APBA2: variants seen among roughly 807,000 people sequenced by gnomAD.
APBA2 encodes amyloid beta precursor protein binding family A member 2.
APBA2 carries 30 observed loss-of-function variants against 75.0 expected under a neutral mutation model. That is an observed-to-expected ratio of 0.40 (90% CI 0.30 to 0.54). The LOEUF is 0.54. Ranked by LOEUF, APBA2 falls within the 20% of genes least tolerant of loss-of-function variation. The pLI is 0.49. For synonymous variants in APBA2, 444 were observed against 409.6 expected (o/e 1.08, Z -1.01); for missense variants, 801 against 1,016.1 (o/e 0.79, Z 2.88).
intron 1 of APBA2, among the ~76,000 whole-genome samples, chr15:28,912,822 G>C (rs1271322026): frequency 6.6e-6 from 1 of 152,228 alleles, no homozygotes; most frequent in Non-Finnish European, 1.5e-5. Flanking sequence ...CAGATACCTT[G>C]AGTACCTTGT....
intron 10 of APBA2, 177 bp downstream of exon 10, chr15:29,101,961 G>T: frequency 1.5e-6 from 1 of 685,292 alleles, no homozygotes. Flanking sequence ...AGTGAATACA[G>T]TTTTATTCTA....
intron 3 of APBA2, among the ~76,000 whole-genome samples, chr15:29,006,519 G>T (rs549251386): frequency 4.5e-4 from 68 of 152,272 alleles, no homozygotes; most frequent in African/African-American, 1.6e-3. Flanking sequence ...AGACATACTC[G>T]AGACTGGGTA....
At chr15:29,067,245 C>T (rs2042417358) in intron 4 of APBA2, among the ~76,000 whole-genome samples, 1 of 152,142 alleles carries the variant, frequency 6.6e-6, no homozygotes, top group South Asian at 2.1e-4. Context: ...GAGATTTGGG[C>T]AGGGACAAAT....
chr15:29,071,119 GTGT>G (rs2042602628), intron 4 of APBA2: 1 of 453,736 alleles, frequency 2.2e-6, no homozygotes, highest in African/African-American at 2.0e-5. Context: ...CACTAGTTTG[GTGT>G]TGTTTCATCC....
intron 1 of APBA2, among the ~76,000 whole-genome samples, chr15:28,899,263 T>C (rs146506917): frequency 1.6e-4 from 25 of 152,340 alleles, no homozygotes; most frequent in African/African-American, 6.0e-4. Context: ...CTCCTTTGCC[T>C]ACGTCTCTCC....
intron 1 of APBA2, among the ~76,000 whole-genome samples, chr15:28,890,485 C>A: frequency 6.6e-6 from 1 of 152,164 alleles, no homozygotes; most frequent in Non-Finnish European, 1.5e-5. Context: ...TAATGTCAGA[C>A]TCTGTCCCAG....
At chr15:29,013,015 C>G (rs2152817453) in intron 3 of APBA2, among the ~76,000 whole-genome samples, 1 of 152,168 alleles carries the variant, frequency 6.6e-6, no homozygotes, top group South Asian at 2.1e-4. Context: ...GCCTTGGACT[C>G]TCTGATGCTT....
chr15:29,042,217 A>G (rs1473041685), intron 3 of APBA2, among the ~76,000 whole-genome samples: 1 of 152,158 alleles, frequency 6.6e-6, no homozygotes, highest in Non-Finnish European at 1.5e-5. Flanking sequence ...GTTAGGGCCT[A>G]CGCAAATTAC....
intron 2 of APBA2, among the ~76,000 whole-genome samples, chr15:28,983,213 C>A (rs1302958772): frequency 2.0e-5 from 3 of 152,146 alleles, no homozygotes; most frequent in Non-Finnish European, 4.4e-5. Flanking sequence ...GCCCAGCCGC[C>A]GTCTCCCTGG....
intron 6 of APBA2, among the ~76,000 whole-genome samples, chr15:29,085,866 G>A (rs1413162309): frequency 1.3e-5 from 2 of 152,152 alleles, no homozygotes; most frequent in South Asian, 2.1e-4. Context: ...GTGGTTGCTC[G>A]TTGTTGTAGA....
chr15:28,998,663 G>A (rs1304291411), intron 3 of APBA2, among the ~76,000 whole-genome samples: 3 of 152,162 alleles, frequency 2.0e-5, no homozygotes, highest in East Asian at 1.9e-4. Flanking sequence ...GGAGAGACAC[G>A]GCAATGGCTG....
At position 29,046,437 on chromosome 15, in the gene APBA2, C is replaced by T. The variant is rs993216254; in HGVS notation, c.-40-7408C>T. ...AAGAAGCTGGGGACAGTTGTCCTTG[C>T]TCTCCACCCCCTGGAGTAGGGGAAG... is the stretch of plus-strand genomic sequence containing the variant. On this transcript the variant is annotated intron_variant, in intron 3 of 14. Coordinates refer to ENST00000683413, the MANE Select transcript of APBA2 (RefSeq NM_001353788.2). This position sits in a 1 kb window ranked among gnomAD's most constrained non-coding sequence, Gnocchi z 5.0. Among the ~76,000 whole-genome samples, 1 of 152,184 alleles carries T rather than the reference C, an allele frequency of 6.6e-6. No individual in the cohort carries two copies. The highest frequency in any genetic ancestry group is 2.4e-5 in the African/African-American group (1 of 41,452).
chr15:29,029,967 G>T (rs1461610462), intron 3 of APBA2, among the ~76,000 whole-genome samples: 2 of 152,186 alleles, frequency 1.3e-5, no homozygotes. Context: ...GCTACATGGG[G>T]TTTGTCGAGG....
At chr15:29,092,863 C>T (rs2043643852) in intron 6 of APBA2, among the ~76,000 whole-genome samples, 1 of 152,124 alleles carries the variant, frequency 6.6e-6, no homozygotes, top group Non-Finnish European at 1.5e-5. Flanking sequence ...GTTTTCTGGC[C>T]CAAGTGTTGA....
At position 28,998,819 on chromosome 15, in the gene APBA2, C is replaced by T. The variant is rs113252623; in HGVS notation, c.-41+3013C>T. Among the ~76,000 whole-genome samples, 1,003 of 152,296 alleles carry T rather than the reference C, an allele frequency of 6.6e-3. 13 individuals carry two copies. The highest frequency in any genetic ancestry group is 0.023 in the African/African-American group (957 of 41,570). On this transcript the variant is annotated intron_variant, in intron 3 of 14. Transcript: ENST00000683413. The stretch of plus-strand genomic sequence containing the variant: ...GAGAAAAGATAAAGTGAGATCCCTA[C>T]CTCACAGCACATGTACCAGTAAACG...
intron 6 of APBA2, among the ~76,000 whole-genome samples, chr15:29,082,886 C>T (rs916528027): frequency 6.6e-6 from 1 of 152,026 alleles, no homozygotes; most frequent in African/African-American, 2.4e-5. Flanking sequence ...CATGGTGAAA[C>T]TCCGTCTCTA....
chr15:28,981,079 A>G (rs1276322271), intron 2 of APBA2, among the ~76,000 whole-genome samples: 2 of 152,188 alleles, frequency 1.3e-5, no homozygotes, highest in Admixed American at 1.3e-4. Context: ...CTAGAAGAAA[A>G]CCTAGAGAAA....
chr15:28,936,779 A>G (rs900425657), intron 2 of APBA2, among the ~76,000 whole-genome samples: 3 of 152,132 alleles, frequency 2.0e-5, no homozygotes, highest in African/African-American at 4.8e-5. Flanking sequence ...CCTGCACAGG[A>G]TGTGAGTTGG....
chr15:29,036,134 A>T (rs962542949), intron 3 of APBA2, among the ~76,000 whole-genome samples: 1 of 152,128 alleles, frequency 6.6e-6, no homozygotes, highest in Non-Finnish European at 1.5e-5. Context: ...CCTTGTAGGC[A>T]GAGCCCTCAC....
Sources: gnomAD v4.1 joint callset for allele counts (sites outside exome capture counted in the v4.1 genomes callset) on GRCh38, gnomAD v4.1.1 for gene constraint, Gnocchi (gnomAD v3.1) non-coding constraint, MANE v1.5 for transcripts, NCBI Gene and HGNC (gene_info 2026-07-23, HGNC 2026-07-21) for gene names.